The following DDX4 variants were observed in gnomAD, a reference collection of about 807,000 sequenced individuals.
The protein encoded by DDX4 is DEAD-box helicase 4, also known as probable ATP-dependent RNA helicase DDX4.
In DDX4, 25 loss-of-function variants were observed where a neutral mutation model predicts 100.0. The ratio of observed to expected loss-of-function variants is 0.25; its 90% CI spans 0.18 to 0.35. The LOEUF (loss-of-function observed/expected upper bound fraction) is 0.35, where lower values mean the gene tolerates loss of function less well. Among genes scored for constraint, DDX4 ranks in the 10% least tolerant of loss-of-function variants. The probability of loss-of-function intolerance (pLI) is 1.00; values close to 1 mark genes in which losing one functional copy is unlikely to be tolerated. For synonymous variants in DDX4, 259 were observed against 275.7 expected, an observed-to-expected ratio of 0.94 and a Z score of 0.60; for missense variants, 635 against 882.4, an observed-to-expected ratio of 0.72 and a Z score of 3.55.
chr5:55,793,697 C>T (rs1056822086), intron 17 of DDX4, among the ~76,000 whole-genome samples: 3 of 152,186 alleles, frequency 2.0e-5, no homozygotes, highest in African/African-American at 7.2e-5. Context: ...CCTGGATTCC[C>T]AGACTCATGC....
Position 55,790,583 on chromosome 5 carries a change from G to A in DDX4, c.1180G>A (p.Val394Ile), listed in dbSNP as rs1436704041. Residue 394 changes from valine (V) to isoleucine (I), a missense_variant, in exon 16 of 22, where the codon GTA (valine) becomes ATA (isoleucine). Coordinates refer to ENST00000505374, the MANE Select transcript of DDX4 (RefSeq NM_024415.3). ...EARKFSFGTCVRAVVIYGGTQ... is the reference protein window; with the variant it reads ...EARKFSFGTCIRAVVIYGGTQ... ...TAGTTTTCTTGTTAATAGGACTTGT[G>A]TAAGAGCTGTTGTTATATATGGGGG... 4.4e-6 allele frequency: 7 copies of A among 1,590,370 alleles called. No homozygotes were observed. The highest frequency in any genetic ancestry group is 6.0e-6 in the Non-Finnish European group (7 of 1,159,458).
Position 55,767,918 on chromosome 5 carries a change from C to T in DDX4, c.372C>T (p.Asn124=). Residue 124 remains asparagine, a synonymous_variant, in exon 7 of 22, where the codon AAC becomes AAT. Coordinates refer to ENST00000505374, the MANE Select transcript of DDX4 (RefSeq NM_024415.3). ...ACTGCGAAGATAATCCAACACGGAA[C>T]AGAGGGTTTTCCAAGAGAGGCGGTA... is the stretch of plus-strand genomic sequence containing the variant. The part of the protein sequence containing the change: ...SNDCEDNPTR[N]RGFSKRGGYR... 6.2e-7 allele frequency: 1 copy of T among 1,613,888 alleles called. No homozygotes were observed.
intron 4 of DDX4, among the ~76,000 whole-genome samples, chr5:55,761,529 A>T (rs1334207610): frequency 8.0e-6 from 1 of 125,132 alleles, no homozygotes; most frequent in African/African-American, 3.6e-5. Flanking sequence ...TTAGCTTTAT[A>T]TTACCTGGGA....
rs763232811 is a variant in DDX4, at chr5:55,816,458, A to G, written c.2098-5A>G. 1 of 1,586,130 alleles carries G rather than the reference A, an allele frequency of 6.3e-7. No individual in the cohort carries two copies. The highest frequency in any genetic ancestry group is 2.2e-5 in the East Asian group (1 of 44,606). On this transcript the variant is annotated splice_polypyrimidine_tract_variant and splice_region_variant and intron_variant, in intron 21 of 21. Coordinates refer to ENST00000505374, the MANE Select transcript of DDX4 (RefSeq NM_024415.3). ...TCTTTTTTTTTTTTTTTAAATAATT[A>G]CCAGGGCAAGAGCACTTTGAACACA...
chr5:55,773,671 C>T (rs1741387654), intron 7 of DDX4, among the ~76,000 whole-genome samples: 1 of 152,032 alleles, frequency 6.6e-6, no homozygotes, highest in African/African-American at 2.4e-5. Context: ...CTCACCCAGG[C>T]TGGAGGGCTC....
chr5:55,804,878 A>T (rs1257410630), intron 18 of DDX4, among the ~76,000 whole-genome samples: 1 of 152,042 alleles, frequency 6.6e-6, no homozygotes, highest in Non-Finnish European at 1.5e-5. Flanking sequence ...TGGTAGCTTG[A>T]TGGGGATGGC....
intron 6 of DDX4, among the ~76,000 whole-genome samples, chr5:55,767,239 A>G (rs1427052979): frequency 2.0e-5 from 3 of 152,192 alleles, no homozygotes; most frequent in Non-Finnish European, 4.4e-5. Flanking sequence ...TCAGGAATTC[A>G]AGACCAGCCT....
intron 3 of DDX4, among the ~76,000 whole-genome samples, chr5:55,752,489 C>T: frequency 6.8e-6 from 1 of 147,484 alleles, no homozygotes; most frequent in Non-Finnish European, 1.5e-5. Flanking sequence ...CAATTTCATC[C>T]ATGTCCCTAC....
At chr5:55,770,914 A>G (rs1033660294) in intron 7 of DDX4, among the ~76,000 whole-genome samples, 2 of 152,200 alleles carry the variant, frequency 1.3e-5, no homozygotes, top group Non-Finnish European at 2.9e-5. Context: ...TTGTACTATT[A>G]ACATTTACTT....
chr5:55,771,894 T>C (rs1741273661), intron 7 of DDX4, among the ~76,000 whole-genome samples: 1 of 152,236 alleles, frequency 6.6e-6, no homozygotes, highest in South Asian at 2.1e-4. Context: ...ACCTTTTTAT[T>C]TGTAAATGAT....
intron 12 of DDX4, 32 bp downstream of exon 12, chr5:55,785,526 G>A: frequency 6.7e-7 from 1 of 1,496,276 alleles, no homozygotes. Context: ...TCACATAGAA[G>A]TATGTTGTGT....
intron 7 of DDX4, among the ~76,000 whole-genome samples, chr5:55,770,521 G>A (rs957065136): frequency 2.0e-5 from 3 of 152,148 alleles, no homozygotes; most frequent in African/African-American, 7.2e-5. Context: ...AGAATATAGT[G>A]AACTTACTAT....
chr5:55,793,071 T>TGTTTGTGTG (rs757473435), intron 17 of DDX4, among the ~76,000 whole-genome samples: 9 of 150,168 alleles, frequency 6.0e-5, no homozygotes, highest in East Asian at 2.0e-4. Flanking sequence ...TGTGTTGTTG[T>TGTTTGTGTG]TGTTGTTGCA....
chr5:55,793,063 TG>T (rs71578613), intron 17 of DDX4, among the ~76,000 whole-genome samples: 237 of 150,130 alleles, frequency 1.6e-3, no homozygotes, highest in East Asian at 6.1e-3. Flanking sequence ...TGTTTGTGTG[TG>T]TTGTTGTTGT....
At chr5:55,815,769 C>G (rs998192388) in intron 21 of DDX4, among the ~76,000 whole-genome samples, 5 of 131,622 alleles carry the variant, frequency 3.8e-5, no homozygotes, top group Non-Finnish European at 6.2e-5. Context: ...TTTTCTTTTT[C>G]TTTTCTTTTT....
At chr5:55,761,732 C>G (rs773988563) in intron 4 of DDX4, among the ~76,000 whole-genome samples, 4 of 151,982 alleles carry the variant, frequency 2.6e-5, no homozygotes, top group Admixed American at 6.6e-5. Flanking sequence ...CTCAGCCTTC[C>G]GAGTAGCTGA....
chr5:55,791,118 A>G (rs1213793053), intron 16 of DDX4, among the ~76,000 whole-genome samples: 1 of 152,204 alleles, frequency 6.6e-6, no homozygotes, highest in African/African-American at 2.4e-5. Context: ...TGTGGCATCA[A>G]TAATTCTGTC....
At chr5:55,803,915 A>G (rs1443433108) in intron 18 of DDX4, among the ~76,000 whole-genome samples, 3 of 152,142 alleles carry the variant, frequency 2.0e-5, no homozygotes, top group Non-Finnish European at 2.9e-5. Context: ...GACTTCCACA[A>G]TGACTAGTTT....
At chr5:55,771,252 C>CTGGCACCTCAAAAGCCCTCA (rs1298319305) in intron 7 of DDX4, among the ~76,000 whole-genome samples, 1 of 152,114 alleles carries the variant, frequency 6.6e-6, no homozygotes, top group African/African-American at 2.4e-5. Flanking sequence ...TCATGAAATA[C>CTGGCACCTCAAAAGCCCTCA]AAATTACTGG....
Sources: allele counts gnomAD v4.1 joint callset (sites outside exome capture counted in the v4.1 genomes callset), GRCh38; gene constraint gnomAD v4.1.1; transcripts MANE v1.5; gene names NCBI Gene and HGNC (gene_info 2026-07-23, HGNC 2026-07-21).